SAMMSON: variants seen among roughly 807,000 people sequenced by gnomAD.
SAMMSON encodes survival associated mitochondrial melanoma specific oncogenic non-coding RNA.
At chr3:70,085,765 A>G (rs2067283256) in intron 4 of SAMMSON, among the ~76,000 whole-genome samples, 1 of 152,174 alleles carries the variant, frequency 6.6e-6, no homozygotes, top group African/African-American at 2.4e-5. Context: ...CAAACTCTAC[A>G]TTGCAGTTAC....
At chr3:70,103,106 A>C (rs2067352398) in intron 4 of SAMMSON, among the ~76,000 whole-genome samples, 1 of 152,150 alleles carries the variant, frequency 6.6e-6, no homozygotes, top group Non-Finnish European at 1.5e-5. Context: ...TGCCCCACCT[A>C]AAGGAGTGGC....
chr3:70,412,043 A>G (rs1213566587), intron 2 of SAMMSON, among the ~76,000 whole-genome samples: 2 of 152,228 alleles, frequency 1.3e-5, no homozygotes, highest in Non-Finnish European at 2.9e-5. Flanking sequence ...CTAATTTTTA[A>G]TGATCTCACA....
At chr3:70,309,515 A>G (rs982671240) in intron 7 of SAMMSON, among the ~76,000 whole-genome samples, 5 of 152,186 alleles carry the variant, frequency 3.3e-5, no homozygotes, top group Non-Finnish European at 4.4e-5. Flanking sequence ...CAGCTAGGAA[A>G]TTGAGGCTCA....
chr3:70,387,231 G>T (rs146234921), intron 9 of SAMMSON, among the ~76,000 whole-genome samples: 24 of 152,076 alleles, frequency 1.6e-4, no homozygotes, highest in African/African-American at 5.8e-4. Context: ...GTTGATATAA[G>T]GCAAAGTAGA....
At chr3:70,295,212 A>AGAAGAATG (rs1702277838) in intron 7 of SAMMSON, among the ~76,000 whole-genome samples, 1 of 152,182 alleles carries the variant, frequency 6.6e-6, no homozygotes, top group Non-Finnish European at 1.5e-5. Context: ...AGATTGCTTA[A>AGAAGAATG]GAAGAATGGA....
intron 4 of SAMMSON, among the ~76,000 whole-genome samples, chr3:70,115,596 A>G (rs2067407449): frequency 6.6e-6 from 1 of 152,130 alleles, no homozygotes; most frequent in East Asian, 1.9e-4. Context: ...TTGTCATTAA[A>G]ATCTTTGTCA....
At chr3:70,208,490 T>A (rs925039153) in intron 4 of SAMMSON, among the ~76,000 whole-genome samples, 1 of 152,024 alleles carries the variant, frequency 6.6e-6, no homozygotes, top group African/African-American at 2.4e-5. Context: ...ACCTGGAAAA[T>A]CTTTTTAAAA....
intron 9 of SAMMSON, among the ~76,000 whole-genome samples, chr3:70,370,810 T>C (rs1276388259): frequency 6.6e-6 from 1 of 152,106 alleles, no homozygotes; most frequent in African/African-American, 2.4e-5. Context: ...GCAGGAACTT[T>C]TTAGTTTAAT....
chr3:70,038,808 A>T (rs2067095834), intron 3 of SAMMSON, among the ~76,000 whole-genome samples: 1 of 152,166 alleles, frequency 6.6e-6, no homozygotes, highest in South Asian at 2.1e-4. Context: ...TTTCAAACAG[A>T]GTTGAAACTG....
At chr3:70,174,267 G>A (rs1700989000) in intron 4 of SAMMSON, among the ~76,000 whole-genome samples, 2 of 151,940 alleles carry the variant, frequency 1.3e-5, no homozygotes, top group Non-Finnish European at 2.9e-5. Context: ...TTTGTACTAG[G>A]AAACTGTATT....
chr3:70,163,926 G>A (rs1417673071), intron 4 of SAMMSON, among the ~76,000 whole-genome samples: 3 of 151,962 alleles, frequency 2.0e-5, no homozygotes, highest in Non-Finnish European at 4.4e-5. Flanking sequence ...AAGTTCCCAA[G>A]GTAATTGCCT....
At chr3:70,301,602 C>A (rs1278169222) in intron 7 of SAMMSON, among the ~76,000 whole-genome samples, 2 of 151,998 alleles carry the variant, frequency 1.3e-5, no homozygotes, top group African/African-American at 4.8e-5. Flanking sequence ...GCTTCTTTTA[C>A]AGTAGGAATG....
intron 7 of SAMMSON, among the ~76,000 whole-genome samples, chr3:70,304,899 G>A (rs903214000): frequency 8.0e-5 from 12 of 150,476 alleles, no homozygotes; most frequent in African/African-American, 1.5e-4. Flanking sequence ...CCCCTTTTTC[G>A]TCATTCCCTT....
At chr3:70,242,044 C>T (rs748016248) in intron 4 of SAMMSON, among the ~76,000 whole-genome samples, 1 of 152,104 alleles carries the variant, frequency 6.6e-6, no homozygotes, top group Non-Finnish European at 1.5e-5. Flanking sequence ...ATCTTTGATG[C>T]CAGAAAGACT....
intron 4 of SAMMSON, chr3:70,125,568 G>A: frequency 1.4e-6 from 1 of 697,830 alleles, no homozygotes; most frequent in Non-Finnish European, 2.6e-6. Flanking sequence ...TCAGTAACAG[G>A]TAGATCATTA....
At position 70,288,792 on chromosome 3, in the gene SAMMSON, T is replaced by G. The variant is rs575280434; in HGVS notation, n.675-2387T>G. Among the ~76,000 whole-genome samples the G allele has an allele frequency of 2.0e-5, 3 of 151,996 alleles. No individual in the cohort carries two copies. The South Asian group carries it at 6.3e-4, about 32-fold the overall frequency. ...GGATAGTTAGCTCTTCTTGTTGAATTGATCCCTTTACCATTATGTAATGGC... is the reference window on the plus strand; with the variant it reads ...GGATAGTTAGCTCTTCTTGTTGAATGGATCCCTTTACCATTATGTAATGGC... On this transcript the variant is annotated intron_variant and non_coding_transcript_variant, in intron 6 of 9. Transcript: ENST00000642114.
chr3:70,155,846 A>G (rs1316373418), intron 4 of SAMMSON, among the ~76,000 whole-genome samples: 1 of 152,072 alleles, frequency 6.6e-6, no homozygotes, highest in Non-Finnish European at 1.5e-5. Flanking sequence ...ACACAATGGA[A>G]CAAATAATAG....
chr3:70,098,798 A>G (rs1576121353), intron 4 of SAMMSON, among the ~76,000 whole-genome samples: 1 of 152,214 alleles, frequency 6.6e-6, no homozygotes, highest in Non-Finnish European at 1.5e-5. Flanking sequence ...AGAAACTCCC[A>G]GGGGTTTTGT....
intron 4 of SAMMSON, among the ~76,000 whole-genome samples, chr3:70,086,765 C>T (rs1000695596): frequency 2.0e-5 from 3 of 152,190 alleles, no homozygotes; most frequent in South Asian, 2.1e-4. Flanking sequence ...AGTTCTCATA[C>T]TGATTATGAT....
Sources: gnomAD v4.1 joint callset for allele counts (sites outside exome capture counted in the v4.1 genomes callset) on GRCh38, gnomAD v4.1.1 for gene constraint, MANE v1.5 for transcripts, NCBI Gene and HGNC (gene_info 2026-07-23, HGNC 2026-07-21) for gene names.